The following MGRN1 variants were observed in gnomAD, a reference collection of about 807,000 sequenced individuals.
The protein encoded by MGRN1 is E3 ubiquitin-protein ligase MGRN1.
Under a neutral mutation model 69.2 loss-of-function variants are expected in MGRN1, and 29 were observed. That is an observed-to-expected ratio of 0.42 (90% confidence interval 0.31 to 0.57). The LOEUF (loss-of-function observed/expected upper bound fraction) is 0.57, where lower values mean the gene tolerates loss of function less well. Among genes scored for constraint, MGRN1 ranks in the 20% least tolerant of loss-of-function variants. The probability of loss-of-function intolerance (pLI) is 0.15; values close to 1 mark genes in which losing one functional copy is unlikely to be tolerated. For synonymous variants in MGRN1, 470 were observed against 344.2 expected (o/e 1.37, Z -4.04); for missense variants, 998 against 796.2 (o/e 1.25, Z -3.05).
At chr16:4,628,405 G>T (rs1359176096) in intron 1 of MGRN1, among the ~76,000 whole-genome samples, 1 of 144,744 alleles carries the variant, frequency 6.9e-6, no homozygotes, top group Non-Finnish European at 1.5e-5. Flanking sequence ...AAAAAAAAAG[G>T]AGGGGACATT....
At chr16:4,665,226 C>T (rs2078775159) in intron 7 of MGRN1, 75 bp downstream of exon 7, 2 of 1,533,186 alleles carry the variant, frequency 1.3e-6, no homozygotes, top group Non-Finnish European at 1.8e-6. Context: ...GACGAGAAGC[C>T]TGAGCAGGGG....
intron 12 of MGRN1, chr16:4,680,427 C>A (rs924966174): frequency 7.6e-5 from 23 of 304,260 alleles, no homozygotes; most frequent in African/African-American, 5.1e-4. Context: ...CTGCGTTTTG[C>A]AATCGCGCCC....
intron 15 of MGRN1, 139 bp downstream of exon 15, chr16:4,683,408 C>T (rs1596318679): frequency 6.9e-6 from 7 of 1,008,038 alleles, no homozygotes; most frequent in East Asian, 2.6e-5. Context: ...CCCCCCTCGG[C>T]GGCACTGGGA....
chr16:4,661,953 A>C (rs1179739197), intron 5 of MGRN1, among the ~76,000 whole-genome samples: 1 of 152,194 alleles, frequency 6.6e-6, no homozygotes, highest in Non-Finnish European at 1.5e-5. Context: ...GCCGTGTGCC[A>C]GGTGCCTGTG....
At chr16:4,681,283 G>C in intron 12 of MGRN1, 1 of 493,020 alleles carries the variant, frequency 2.0e-6, no homozygotes, top group Non-Finnish European at 3.6e-6. Flanking sequence ...GGCTGGTTGA[G>C]GCCAGGGCTG....
chr16:4,686,300 G>T lies in MGRN1; in HGVS notation c.1618+2368G>T, dbSNP rs1365386270. The T allele has an allele frequency of 2.6e-6, 4 of 1,544,884 alleles. No homozygotes were observed. In the African/African-American group the frequency reaches 5.5e-5, roughly 21 times the overall value. ...CTGCTCTGTTGGTATAGACGAGTAA[G>T]CCGGTACGTGACCTCCCAGACGCGC... On this transcript the variant is annotated intron_variant, in intron 16 of 16. Transcript: ENST00000262370.
intron 4 of MGRN1, among the ~76,000 whole-genome samples, chr16:4,656,941 A>G (rs2141897555): frequency 6.6e-6 from 1 of 152,272 alleles, no homozygotes; most frequent in South Asian, 2.1e-4. Flanking sequence ...AAACCAACTT[A>G]GCACCGATGG....
intron 1 of MGRN1, among the ~76,000 whole-genome samples, chr16:4,644,292 C>T (rs1389769568): frequency 6.7e-6 from 1 of 149,012 alleles, no homozygotes; most frequent in East Asian, 2.0e-4. Context: ...GTGCTTGGAC[C>T]CCTCAATTAC....
Position 4,680,050 on chromosome 16 carries a change from A to C in MGRN1, c.1084A>C (p.Lys362Gln), listed in dbSNP as rs1222428100. 2 of 1,614,134 alleles carry C rather than the reference A, an allele frequency of 1.2e-6. No homozygotes were observed. Among genetic ancestry groups the C allele is most frequent in the Admixed American group, 3.3e-5 (2 of 60,012 alleles). The part of the protein sequence containing the change: ...DEHSCPFKKS[K>Q]PHPASLASKK... ...TTGACAGTGTCCCTTTAAAAAATCAAAGCCGCACCCCGCCTCCCTGGCCAG... is the reference window on the plus strand; with the variant it reads ...TTGACAGTGTCCCTTTAAAAAATCACAGCCGCACCCCGCCTCCCTGGCCAG... The change falls in exon 12 of 17, where the codon AAG becomes CAG. Residue 362 changes from lysine (K) to glutamine (Q), a missense_variant. By Grantham distance (53) the Lys-to-Gln change is moderately conservative. Transcript: ENST00000262370.
intron 9 of MGRN1, among the ~76,000 whole-genome samples, chr16:4,672,679 G>A (rs956476292): frequency 2.0e-5 from 3 of 152,176 alleles, no homozygotes; most frequent in Non-Finnish European, 4.4e-5. Flanking sequence ...TGGGTGTGGC[G>A]GTGTTCCAGT....
At chr16:4,635,374 G>A (rs1370316375) in intron 1 of MGRN1, among the ~76,000 whole-genome samples, 7 of 152,150 alleles carry the variant, frequency 4.6e-5, no homozygotes, top group African/African-American at 1.4e-4. Flanking sequence ...CCAAGATTGC[G>A]CCACTGCACT....
At chr16:4,651,402 G>GA (rs2078404031) in intron 2 of MGRN1, among the ~76,000 whole-genome samples, 1 of 152,224 alleles carries the variant, frequency 6.6e-6, no homozygotes, top group African/African-American at 2.4e-5. Context: ...AGAAGGGGCA[G>GA]AAAGGGAGGC....
Position 4,665,092 on chromosome 16 carries a change from T to G in MGRN1, c.629-10T>G, listed in dbSNP as rs751336350. 109 of 1,614,030 alleles carry G rather than the reference T, an allele frequency of 6.8e-5. No homozygotes were observed. The highest frequency in any genetic ancestry group is 1.5e-4 in the Admixed American group (9 of 59,996). ...CGACTCTGACTACTCTGCCCCTCTC[T>G]CCCCAGCAGTGGTGGAAGTGACTGG... On this transcript the variant is annotated splice_polypyrimidine_tract_variant and intron_variant, in intron 6 of 16. Transcript: ENST00000262370.
chr16:4,656,034 C>A (rs1472423985), intron 4 of MGRN1, among the ~76,000 whole-genome samples: 1 of 152,346 alleles, frequency 6.6e-6, no homozygotes, highest in East Asian at 1.9e-4. Context: ...GTGGCCCCCC[C>A]ACGCCCCATC....
chr16:4,633,256 G>T (rs963737895), intron 1 of MGRN1, among the ~76,000 whole-genome samples: 1 of 152,072 alleles, frequency 6.6e-6, no homozygotes, highest in African/African-American at 2.4e-5. Flanking sequence ...GGACGTGGTG[G>T]TGGGTGCCCA....
chr16:4,682,180 A>G (rs766923044), intron 13 of MGRN1, among the ~76,000 whole-genome samples: 1 of 152,336 alleles, frequency 6.6e-6, no homozygotes, highest in Admixed American at 6.5e-5. Context: ...GCCGAAACTC[A>G]GGACCTGACA....
intron 7 of MGRN1, among the ~76,000 whole-genome samples, chr16:4,666,105 A>T (rs2078799416): frequency 6.6e-6 from 1 of 151,880 alleles, no homozygotes; most frequent in Non-Finnish European, 1.5e-5. Flanking sequence ...CTTGGATTAC[A>T]GGTGTGAGCC....
intron 1 of MGRN1, among the ~76,000 whole-genome samples, chr16:4,629,704 A>G (rs1897896789): frequency 1.3e-5 from 2 of 148,416 alleles, no homozygotes; most frequent in African/African-American, 2.5e-5. Context: ...GCGCCACTGC[A>G]CTCCAGCCTG....
chr16:4,653,222 C>G (rs1348861491), intron 4 of MGRN1, among the ~76,000 whole-genome samples: 2 of 152,176 alleles, frequency 1.3e-5, no homozygotes, highest in Non-Finnish European at 2.9e-5. Context: ...TCACAGAACC[C>G]AGGGAAACAC....
Sources: allele counts gnomAD v4.1 joint callset (sites outside exome capture counted in the v4.1 genomes callset), GRCh38; gene constraint gnomAD v4.1.1; transcripts MANE v1.5; gene names NCBI Gene and HGNC (gene_info 2026-07-23, HGNC 2026-07-21).